PTPN3: variants seen among roughly 807,000 people sequenced by gnomAD.
The protein encoded by PTPN3 is tyrosine-protein phosphatase non-receptor type 3.
A neutral mutation model predicts 132.7 loss-of-function variants in PTPN3; 96 were observed. The ratio of observed to expected loss-of-function variants is 0.72; its 90% CI spans 0.61 to 0.86. PTPN3 has a LOEUF of 0.86. PTPN3 is among the 40% of genes least tolerant of loss of function. The probability of loss-of-function intolerance (pLI) is 0.00; values close to 1 mark genes in which losing one functional copy is unlikely to be tolerated. For missense variants in PTPN3, 1,125 were observed against 1,159.6 expected (o/e 0.97, Z 0.43); for synonymous variants, 398 against 429.0 (o/e 0.93, Z 0.89).
At chr9:109,467,885 C>G (rs1236969075) in intron 1 of PTPN3, among the ~76,000 whole-genome samples, 1 of 152,188 alleles carries the variant, frequency 6.6e-6, no homozygotes, top group Non-Finnish European at 1.5e-5. Context: ...TCACACCCAT[C>G]TCTGATTGTT....
chr9:109,460,654 C>T (rs1395723604), intron 2 of PTPN3, among the ~76,000 whole-genome samples: 1 of 152,196 alleles, frequency 6.6e-6, no homozygotes, highest in Non-Finnish European at 1.5e-5. Context: ...CAGATGAACG[C>T]CTGGTTCTTT....
intron 14 of PTPN3, among the ~76,000 whole-genome samples, chr9:109,420,199 G>A (rs947681822): frequency 1.3e-5 from 2 of 152,144 alleles, no homozygotes; most frequent in African/African-American, 4.8e-5. Flanking sequence ...GGAAGTCTTT[G>A]TCGTGGACAA....
chr9:109,533,808 C>T, the PTPN3 span: 3 of 976,148 alleles, frequency 3.1e-6, no homozygotes, highest in Admixed American at 2.1e-5. Context: ...GGAGCACGCT[C>T]CCATCCCTCG....
intron 2 of PTPN3, among the ~76,000 whole-genome samples, chr9:109,460,972 G>A (rs574452031): frequency 6.6e-6 from 1 of 152,140 alleles, no homozygotes; most frequent in African/African-American, 2.4e-5. Flanking sequence ...GTCAGGAAGA[G>A]GATAAACGGT....
chr9:109,510,016 G>T, the PTPN3 span, among the ~76,000 whole-genome samples: 115 of 152,274 alleles, frequency 7.6e-4, 1 homozygote, highest in African/African-American at 2.7e-3. Flanking sequence ...TCAAACAAGA[G>T]GAAATGGAGC....
intron 5 of PTPN3, chr9:109,449,462 C>T (rs1456558306): frequency 2.0e-6 from 2 of 985,384 alleles, no homozygotes; most frequent in African/African-American, 3.5e-5. Context: ...ATTCTGCACT[C>T]ATCTCTGGGC....
chr9:109,433,727 G>T (rs1018114083), intron 9 of PTPN3, among the ~76,000 whole-genome samples: 1 of 152,054 alleles, frequency 6.6e-6, no homozygotes, highest in African/African-American at 2.4e-5. Context: ...GCAACATGGC[G>T]AAACTCTGTC....
intron 1 of PTPN3, among the ~76,000 whole-genome samples, chr9:109,466,289 C>T (rs535567783): frequency 8.5e-5 from 13 of 152,128 alleles, no homozygotes; most frequent in Admixed American, 2.0e-4. Context: ...ACAACAATAC[C>T]GTATAGCAAT....
chr9:109,406,708 G>T (rs930420393), intron 17 of PTPN3, 90 bp from the exon 18 acceptor site: 79 of 1,523,732 alleles, frequency 5.2e-5, no homozygotes, highest in Non-Finnish European at 6.2e-5. Context: ...CAGACACCTG[G>T]GACCATGATC....
intron 1 of PTPN3, among the ~76,000 whole-genome samples, chr9:109,491,713 G>A (rs1002966552): frequency 1.3e-5 from 2 of 152,198 alleles, no homozygotes; most frequent in Non-Finnish European, 2.9e-5. Context: ...ACTCAAGTCA[G>A]GAAGGTGAGC....
At chr9:109,431,868 T>C (rs1414140278) in intron 10 of PTPN3, among the ~76,000 whole-genome samples, 3 of 151,998 alleles carry the variant, frequency 2.0e-5, no homozygotes, top group Admixed American at 1.3e-4. Flanking sequence ...TGTTTCCTCC[T>C]CCGTGAAACT....
At chr9:109,475,201 T>A (rs778678792) in intron 1 of PTPN3, among the ~76,000 whole-genome samples, 1 of 152,202 alleles carries the variant, frequency 6.6e-6, no homozygotes, top group South Asian at 2.1e-4. Flanking sequence ...GAGGGCAGAC[T>A]GACAGTGAAG....
At chr9:109,439,055 G>C (rs1007048919) in intron 7 of PTPN3, among the ~76,000 whole-genome samples, 2 of 152,188 alleles carry the variant, frequency 1.3e-5, no homozygotes, top group Admixed American at 6.5e-5. Context: ...AATGTGAATT[G>C]AATTGTTGAT....
the PTPN3 span, among the ~76,000 whole-genome samples, chr9:109,520,002 A>T: frequency 6.6e-6 from 1 of 152,184 alleles, no homozygotes; most frequent in African/African-American, 2.4e-5. Flanking sequence ...TACTAAAAAT[A>T]CAAAAAATTA....
chr9:109,458,231 A>G (rs551965534), intron 2 of PTPN3, among the ~76,000 whole-genome samples: 54 of 152,282 alleles, frequency 3.5e-4, no homozygotes, highest in African/African-American at 1.3e-3. Context: ...GCCGTAGAGG[A>G]AGCAACCCCC....
At chr9:109,441,334 A>G (rs997338957) in intron 7 of PTPN3, among the ~76,000 whole-genome samples, 6 of 152,246 alleles carry the variant, frequency 3.9e-5, no homozygotes, top group Non-Finnish European at 8.8e-5. Flanking sequence ...TCCAAAGTAC[A>G]GCATTTCAAG....
chr9:109,416,109 T>A (rs1359285304), intron 14 of PTPN3, among the ~76,000 whole-genome samples: 3 of 152,062 alleles, frequency 2.0e-5, no homozygotes, highest in African/African-American at 7.2e-5. Context: ...ACGAGGGTGA[T>A]GGGTGGAAAG....
At chr9:109,499,436 G>T (rs184137596), upstream of PTPN3, among the ~76,000 whole-genome samples, 142 of 152,250 alleles carry the variant, frequency 9.3e-4, no homozygotes, top group African/African-American at 3.2e-3. Context: ...CGGCAAGGAG[G>T]CAGAGGAGCA....
At chr9:109,404,667 C>A in intron 18 of PTPN3, 59 bp from the exon 19 acceptor site, 4 of 1,352,818 alleles carry the variant, frequency 3.0e-6, no homozygotes, top group Non-Finnish European at 3.9e-6. Context: ...TTATCCGTCT[C>A]CCTCAAACAA....
Sources: gnomAD v4.1 joint callset for allele counts (sites outside exome capture counted in the v4.1 genomes callset) on GRCh38, gnomAD v4.1.1 for gene constraint, MANE v1.5 for transcripts, NCBI Gene and HGNC (gene_info 2026-07-23, HGNC 2026-07-21) for gene names.